Variants in XIRP2 observed in about 807,000 individuals in gnomAD.
The protein encoded by XIRP2 is xin actin binding repeat containing 2.
XIRP2 carries 236 observed loss-of-function variants against 277.0 expected under a neutral mutation model. The observed-to-expected ratio is 0.85, with a 90% CI of 0.77 to 0.95. XIRP2 has a LOEUF of 0.95. Ranked by LOEUF, XIRP2 falls within the 40% of genes least tolerant of loss-of-function variation. XIRP2 has a pLI of 0.00. For missense variants in XIRP2, 4,640 were observed against 4,157.5 expected (o/e 1.12, Z -3.19); for synonymous variants, 1,490 against 1,416.5 (o/e 1.05, Z -1.17).
chr2:166,952,405 G>A (rs1459297218), intron 2 of XIRP2, among the ~76,000 whole-genome samples: 1 of 151,932 alleles, frequency 6.6e-6, no homozygotes, highest in Non-Finnish European at 1.5e-5. Flanking sequence ...GTCTTTATAT[G>A]CCAGTATTTA....
At chr2:167,141,807 G>A (rs1419050495) in intron 3 of XIRP2, among the ~76,000 whole-genome samples, 3 of 152,114 alleles carry the variant, frequency 2.0e-5, no homozygotes, top group Non-Finnish European at 4.4e-5. Flanking sequence ...GTTACAGTTA[G>A]CTAAGATCAT....
chr2:166,949,570 A>T (rs557822297), intron 2 of XIRP2, among the ~76,000 whole-genome samples: 2 of 152,060 alleles, frequency 1.3e-5, no homozygotes, highest in South Asian at 4.1e-4. Context: ...CCTTAGTTTT[A>T]TTTCTCCATG....
intron 2 of XIRP2, among the ~76,000 whole-genome samples, chr2:166,930,045 T>C (rs1174913201): frequency 6.6e-6 from 1 of 152,228 alleles, no homozygotes; most frequent in Non-Finnish European, 1.5e-5. Flanking sequence ...GGGTTGTCTG[T>C]CAGCTCCAAA....
intron 2 of XIRP2, among the ~76,000 whole-genome samples, chr2:167,113,532 AT>A (rs1690818297): frequency 6.6e-6 from 1 of 152,002 alleles, no homozygotes; most frequent in Non-Finnish European, 1.5e-5. Context: ...GAGCCTATGG[AT>A]GTCATTGCAT....
At chr2:167,162,485 A>C (rs1398053051) in intron 3 of XIRP2, among the ~76,000 whole-genome samples, 1 of 152,094 alleles carries the variant, frequency 6.6e-6, no homozygotes. Flanking sequence ...TTGTGCAGGG[A>C]AACTCCCCTT....
intron 5 of XIRP2, among the ~76,000 whole-genome samples, chr2:167,236,985 TG>T (rs1209921363): frequency 6.6e-6 from 1 of 152,080 alleles, no homozygotes; most frequent in East Asian, 1.9e-4. Context: ...AACAAAAGCT[TG>T]GGATATTTTA....
At chr2:167,014,687 T>C (rs991451892) in intron 2 of XIRP2, among the ~76,000 whole-genome samples, 1 of 151,732 alleles carries the variant, frequency 6.6e-6, no homozygotes, top group African/African-American at 2.4e-5. Flanking sequence ...GTTTTCAAAA[T>C]GAAAGGGCTC....
chr2:166,911,099 G>A (rs1315414160), intron 2 of XIRP2, among the ~76,000 whole-genome samples: 1 of 152,168 alleles, frequency 6.6e-6, no homozygotes, highest in Non-Finnish European at 1.5e-5. Context: ...GTTGATTTGG[G>A]GTGGAGAGTT....
At chr2:167,144,364 A>G (rs1294396642) in intron 3 of XIRP2, among the ~76,000 whole-genome samples, 1 of 152,160 alleles carries the variant, frequency 6.6e-6, no homozygotes, top group Non-Finnish European at 1.5e-5. Flanking sequence ...ATGAAATAGT[A>G]TATGAGGACT....
intron 3 of XIRP2, among the ~76,000 whole-genome samples, chr2:167,187,128 C>T (rs1383564920): frequency 6.6e-6 from 1 of 152,048 alleles, no homozygotes; most frequent in Non-Finnish European, 1.5e-5. Flanking sequence ...AGCCTTTATA[C>T]AGAAATTCAG....
chr2:167,249,897 A>C lies in XIRP2; in HGVS notation c.8505A>C (p.Leu2835Phe). 6.2e-7 allele frequency: 1 copy of C among 1,613,500 alleles called. No homozygotes were observed. The highest frequency in any genetic ancestry group is 8.5e-7 in the Non-Finnish European group (1 of 1,179,690). ...TGATTGGTCGAAAAGAAGAGAGATT[A>C]ATAACTGAAAGAAAACACGAACATC... is the stretch of plus-strand genomic sequence containing the variant. ...PSMIGRKEERLITERKHEHLK... is the reference protein window; with the variant it reads ...PSMIGRKEERFITERKHEHLK... Residue 2835 changes from leucine (L) to phenylalanine (F), a missense_variant, in exon 9 of 11, where the codon TTA (leucine) becomes TTC (phenylalanine). Transcript: ENST00000409195.
chr2:167,247,179 G>T lies in XIRP2; in HGVS notation c.5787G>T (p.Leu1929Phe), dbSNP rs1695298587. The change falls in exon 9 of 11, where the codon TTG becomes TTT. Residue 1929 changes from leucine (L) to phenylalanine (F), a missense_variant. Coordinates refer to ENST00000409195, the MANE Select transcript of XIRP2 (RefSeq NM_152381.6). ...KDDLETSLRS[L>F]KEAQRSFKEV... is the part of the protein sequence containing the mutation. ...ACCTGGAAACATCACTAAGGTCTTT[G>T]AAAGAAGCACAAAGAAGTTTCAAAG... is the stretch of plus-strand genomic sequence containing the variant. The T allele has an allele frequency of 6.2e-7, 1 of 1,613,410 alleles. No homozygotes were observed. Among genetic ancestry groups the T allele is most frequent in the Admixed American group, 1.7e-5 (1 of 59,904 alleles).
intron 2 of XIRP2, among the ~76,000 whole-genome samples, chr2:167,115,607 A>G (rs570140736): frequency 6.6e-6 from 1 of 151,178 alleles, no homozygotes; most frequent in South Asian, 2.1e-4. Context: ...ATTCTAGTCT[A>G]CTCATGGGTC....
intron 4 of XIRP2, among the ~76,000 whole-genome samples, chr2:167,214,345 C>T (rs1297155470): frequency 6.7e-6 from 1 of 149,130 alleles, no homozygotes; most frequent in Non-Finnish European, 1.5e-5. Context: ...AGCATGATGG[C>T]GGGTGCCAGT....
intron 5 of XIRP2, among the ~76,000 whole-genome samples, chr2:167,229,476 A>G (rs774342841): frequency 6.6e-6 from 1 of 152,182 alleles, no homozygotes; most frequent in Non-Finnish European, 1.5e-5. Context: ...TTAATGTTAT[A>G]GACTCATTAT....
At position 167,247,727 on chromosome 2, in the gene XIRP2, A is replaced by T. The variant is rs767976546; in HGVS notation, c.6335A>T (p.Asn2112Ile). The T allele has an allele frequency of 8.1e-6, 13 of 1,613,574 alleles. No individual in the cohort carries two copies. Among genetic ancestry groups the T allele is most frequent in the Non-Finnish European group, 1.7e-6 (2 of 1,179,760 alleles). Residue 2112 changes from asparagine (N) to isoleucine (I), a missense_variant, in exon 9 of 11, where the codon AAT (asparagine) becomes ATT (isoleucine). Asn to Ile is a moderately radical substitution (Grantham distance 149). Coordinates refer to ENST00000409195, the MANE Select transcript of XIRP2 (RefSeq NM_152381.6). ...GAGCTGAAGAAGGATGATGTCTTTA[A>T]TTCCATCCAATCTGCTGGTAAAACC... ...VRELKKDDVF[N>I]SIQSAGKTVG...
chr2:167,123,119 A>T (rs1691102022), intron 2 of XIRP2, among the ~76,000 whole-genome samples: 2 of 152,252 alleles, frequency 1.3e-5, no homozygotes, highest in Middle Eastern at 6.8e-3. Context: ...TAGCTGTGAA[A>T]ATGTTTGCCT....
At chr2:167,175,555 T>A (rs909178763) in intron 3 of XIRP2, among the ~76,000 whole-genome samples, 5 of 152,082 alleles carry the variant, frequency 3.3e-5, no homozygotes, top group African/African-American at 4.8e-5. Context: ...GGAGCTATCC[T>A]GTATGAGGTG....
intron 2 of XIRP2, among the ~76,000 whole-genome samples, chr2:166,986,262 TC>T (rs1687001696): frequency 6.6e-6 from 1 of 152,216 alleles, no homozygotes; most frequent in Admixed American, 6.5e-5. Flanking sequence ...GAAGATATTT[TC>T]CCAGTGTCCT....
Sources: gnomAD v4.1 joint callset for allele counts (sites outside exome capture counted in the v4.1 genomes callset) on GRCh38, gnomAD v4.1.1 for gene constraint, MANE v1.5 for transcripts, NCBI Gene and HGNC (gene_info 2026-07-23, HGNC 2026-07-21) for gene names.